The following MXRA7 variants were observed in gnomAD, a reference collection of about 807,000 sequenced individuals.
MXRA7 encodes matrix remodeling associated 7.
In MXRA7, 18 loss-of-function variants were observed where a neutral mutation model predicts 17.4. That is an observed-to-expected ratio of 1.03 (90% confidence interval 0.71 to 1.53). The LOEUF is 1.53. MXRA7 is among the 40% of genes most tolerant of loss of function. The pLI is 0.00. For synonymous variants in MXRA7, 70 were observed against 101.7 expected (o/e 0.69, Z 1.87); for missense variants, 141 against 209.3 (o/e 0.67, Z 2.01).
In MXRA7 at chr17:76,681,826, G is replaced by A. The variant is rs2076308268; in HGVS notation, c.501-947C>T. On this transcript the variant is annotated intron_variant, in intron 3 of 3. Transcript: ENST00000449428. The surrounding 1 kb of genome is among the most constrained non-coding windows in gnomAD (Gnocchi z 4.7). Reference sequence around the variant, plus strand: ...CTTCCCTAGCTCTGGGGGAGGAGGAGGAGGCCTCTTGCTCAGGGGAGCTGT... The same window carrying A: ...CTTCCCTAGCTCTGGGGGAGGAGGAAGAGGCCTCTTGCTCAGGGGAGCTGT... 6.6e-6 allele frequency among the ~76,000 whole-genome samples: 1 copy of A among 152,204 alleles called. No homozygotes were observed. Among genetic ancestry groups the A allele is most frequent in the South Asian group, 2.1e-4 (1 of 4,834 alleles).
chr17:76,688,587 G>A (rs1336190710), intron 1 of MXRA7: 16 of 1,254,094 alleles, frequency 1.3e-5, no homozygotes, highest in South Asian at 1.1e-4. Flanking sequence ...CATGGCCATC[G>A]CAGCCTCTGG....
intron 1 of MXRA7, among the ~76,000 whole-genome samples, chr17:76,696,049 C>T (rs866906727): frequency 4.0e-5 from 6 of 151,838 alleles, no homozygotes; most frequent in Middle Eastern, 3.4e-3. Flanking sequence ...AAGCCGAGAT[C>T]GCACCACTGC....
intron 1 of MXRA7, among the ~76,000 whole-genome samples, chr17:76,702,662 C>G (rs921434884): frequency 2.6e-5 from 4 of 151,868 alleles, no homozygotes; most frequent in Non-Finnish European, 5.9e-5. Context: ...CCAGCCTGGC[C>G]TGTAACACGC....
rs2076288136 is a variant in MXRA7, at chr17:76,680,527, T to C, written c.*340A>G. On this transcript the variant is annotated 3_prime_UTR_variant, in exon 4 of 4. Transcript: ENST00000449428. ...TGAACTCTGCTTTTAAAATGTTCTTTTTATCTAAGGTGTGCAGGGTGTGTG... is the reference window on the plus strand; with the variant it reads ...TGAACTCTGCTTTTAAAATGTTCTTCTTATCTAAGGTGTGCAGGGTGTGTG... 1.9e-6 allele frequency: 2 copies of C among 1,060,464 alleles called. No homozygotes were observed. The highest frequency in any genetic ancestry group is 1.3e-4 in the East Asian group (2 of 14,844). 65.7% of individuals were successfully genotyped at this position (1,060,464 alleles called of 1,614,324 possible). A position where few individuals can be genotyped will look rare whatever the true frequency, so the allele number is the denominator to read the frequency against.
At chr17:76,684,303 G>C (rs1204685097) in intron 3 of MXRA7, among the ~76,000 whole-genome samples, 1 of 152,156 alleles carries the variant, frequency 6.6e-6, no homozygotes, top group Non-Finnish European at 1.5e-5. Context: ...GGGTCGCCAG[G>C]CTTGGAAAAT....
intron 1 of MXRA7, among the ~76,000 whole-genome samples, chr17:76,701,162 G>C (rs1420217267): frequency 6.6e-6 from 1 of 152,072 alleles, no homozygotes; most frequent in Admixed American, 6.6e-5. Flanking sequence ...GGGAGGACGG[G>C]AAACAGGGAG....
chr17:76,695,155 C>T (rs1033655676), intron 1 of MXRA7, among the ~76,000 whole-genome samples: 1 of 152,062 alleles, frequency 6.6e-6, no homozygotes, highest in East Asian at 1.9e-4. Flanking sequence ...AGCGAAACTC[C>T]GTCTCAAAAA....
At chr17:76,688,805 C>T (rs1157501069) in intron 1 of MXRA7, 1 of 632,562 alleles carries the variant, frequency 1.6e-6, no homozygotes, top group Non-Finnish European at 2.3e-6. Flanking sequence ...CGTGCCGTGC[C>T]CATGGGCTCT....
intron 1 of MXRA7, chr17:76,688,653 C>G: frequency 8.1e-7 from 1 of 1,239,024 alleles, no homozygotes; most frequent in African/African-American, 1.5e-5. Context: ...TCCATGTTCC[C>G]AAAACTGGAG....
intron 3 of MXRA7, among the ~76,000 whole-genome samples, chr17:76,683,043 A>G (rs1390968286): frequency 6.6e-6 from 1 of 152,178 alleles, no homozygotes; most frequent in Middle Eastern, 3.2e-3. Flanking sequence ...CGTGGGTGGC[A>G]GTGGCAGTTT....
intron 1 of MXRA7, among the ~76,000 whole-genome samples, chr17:76,698,116 C>T (rs1270699616): frequency 1.3e-5 from 2 of 152,176 alleles, no homozygotes; most frequent in Non-Finnish European, 2.9e-5. Flanking sequence ...ACTGGCTAAT[C>T]CAGAATGACT....
chr17:76,698,092 A>ACT (rs1253306779), intron 1 of MXRA7, among the ~76,000 whole-genome samples: 1 of 152,150 alleles, frequency 6.6e-6, no homozygotes, highest in Non-Finnish European at 1.5e-5. Context: ...GCATGCTGTG[A>ACT]CTGCACCAAT....
intron 1 of MXRA7, among the ~76,000 whole-genome samples, chr17:76,692,024 A>G (rs939743907): frequency 6.6e-6 from 1 of 152,104 alleles, no homozygotes; most frequent in African/African-American, 2.4e-5. Context: ...TGACGTGCCC[A>G]AGCCCTCCTG....
intron 3 of MXRA7, among the ~76,000 whole-genome samples, chr17:76,683,178 G>C (rs1015149538): frequency 6.6e-6 from 1 of 152,208 alleles, no homozygotes; most frequent in Admixed American, 6.5e-5. Flanking sequence ...TCTAGCCTCT[G>C]TCCAGGGACT....
chr17:76,677,533 G>C (rs1020812763), downstream of MXRA7: 4 of 1,254,536 alleles, frequency 3.2e-6, no homozygotes, highest in Admixed American at 5.1e-5. Context: ...CAAGGGCATG[G>C]GGCAAGGGTG....
At chr17:76,686,226 C>G (rs1022240268) in intron 2 of MXRA7, among the ~76,000 whole-genome samples, 3 of 152,192 alleles carry the variant, frequency 2.0e-5, no homozygotes, top group Non-Finnish European at 4.4e-5. Flanking sequence ...TGCCTGTAAT[C>G]CCAGCACCTT....
intron 1 of MXRA7, among the ~76,000 whole-genome samples, chr17:76,705,159 G>A (rs1263281981): frequency 1.3e-5 from 2 of 152,144 alleles, no homozygotes; most frequent in African/African-American, 4.8e-5. Context: ...TTGCTAAGCA[G>A]AAAATTCTAG....
chr17:76,703,755 A>G (rs34438963), intron 1 of MXRA7: 68,291 of 150,780 alleles, frequency 0.45, 15,531 homozygotes, highest in Admixed American at 0.47. Context: ...AAAAAAGAAT[A>G]CATTGAAAAA....
Position 76,681,150 on chromosome 17 carries a change from G to T in MXRA7, c.501-271C>A, listed in dbSNP as rs2076298055. Among the ~76,000 whole-genome samples, 1 of 152,166 alleles carries T rather than the reference G, an allele frequency of 6.6e-6. No homozygotes were observed. Among genetic ancestry groups the T allele is most frequent in the Admixed American group, 6.5e-5 (1 of 15,290 alleles). On this transcript the variant is annotated intron_variant, in intron 3 of 3. Coordinates refer to ENST00000449428, the MANE Select transcript of MXRA7 (RefSeq NM_198530.4). The surrounding 1 kb of genome is among the most constrained non-coding windows in gnomAD (Gnocchi z 4.7). ...ACAGACCCTGTTCAGCCTCTGCAGGGTACTTAAGGAAGGAACTTGGGCATT... is the reference window on the plus strand; with the variant it reads ...ACAGACCCTGTTCAGCCTCTGCAGGTTACTTAAGGAAGGAACTTGGGCATT...
Sources: allele counts gnomAD v4.1 joint callset (sites outside exome capture counted in the v4.1 genomes callset), GRCh38; gene constraint gnomAD v4.1.1; non-coding constraint Gnocchi (gnomAD v3.1); transcripts MANE v1.5; gene names NCBI Gene and HGNC (gene_info 2026-07-23, HGNC 2026-07-21).